CRTC3: variants seen among roughly 807,000 people sequenced by gnomAD.
CRTC3 encodes CREB regulated transcription coactivator 3, also known as CREB-regulated transcription coactivator 3.
In CRTC3, 26 loss-of-function variants were observed where a neutral mutation model predicts 74.5. The ratio of observed to expected loss-of-function variants is 0.35; its 90% CI spans 0.26 to 0.48. CRTC3 has a LOEUF of 0.48. Among genes scored for constraint, CRTC3 ranks in the 20% least tolerant of loss-of-function variants. The pLI is 0.99. For missense variants in CRTC3, 760 were observed against 787.3 expected (o/e 0.97, Z 0.41); for synonymous variants, 377 against 325.8 (o/e 1.16, Z -1.69).
intron 7 of CRTC3, 127 bp downstream of exon 7, chr15:90,614,615 G>T: frequency 3.2e-6 from 2 of 628,334 alleles, no homozygotes; most frequent in South Asian, 2.4e-5. Context: ...CTGCTGATTG[G>T]CTTACTTTTC....
chr15:90,553,031 A>G (rs776912398), intron 2 of CRTC3, among the ~76,000 whole-genome samples: 1 of 152,190 alleles, frequency 6.6e-6, no homozygotes, highest in Non-Finnish European at 1.5e-5. Flanking sequence ...GTAATGAGGC[A>G]GGGCAGTGAC....
At chr15:90,594,035 T>C (rs1345548727) in intron 3 of CRTC3, 1 of 250,414 alleles carries the variant, frequency 4.0e-6, no homozygotes, top group Non-Finnish European at 7.6e-6. Context: ...TTCTGAGCAT[T>C]TTCTCCAGAA....
chr15:90,589,304 G>A lies in CRTC3; in HGVS notation c.232-4332G>A, dbSNP rs143162259. On this transcript the variant is annotated intron_variant, in intron 2 of 14. Transcript: ENST00000268184. ...ACTCCTGACCTCATGATCCACCTGCGTAGGCCTCCCAAAGTGCTGGGATTA... is the reference window on the plus strand; with the variant it reads ...ACTCCTGACCTCATGATCCACCTGCATAGGCCTCCCAAAGTGCTGGGATTA... 3.0e-3 allele frequency among the ~76,000 whole-genome samples: 455 copies of A among 151,922 alleles called. 2 individuals carry two copies. The highest frequency in any genetic ancestry group is 0.011 in the African/African-American group (437 of 41,400).
In CRTC3 at chr15:90,593,638, G is replaced by A. The variant is rs370731406; in HGVS notation, c.234G>A (p.Pro78=). Residue 78 remains proline, a splice_region_variant and synonymous_variant, in exon 3 of 15, where the codon CCG becomes CCA. Coordinates refer to ENST00000268184, the MANE Select transcript of CRTC3 (RefSeq NM_022769.5). ...QLRSSASEFQ[P]SFHQADNVRG... is the part of the protein sequence containing the mutation. Reference sequence around the variant, plus strand: ...CTCTTCTTCCCTTCTCTCTGCAGCCGTCATTTCACCAAGCTGATAATGTTC... The same window carrying A: ...CTCTTCTTCCCTTCTCTCTGCAGCCATCATTTCACCAAGCTGATAATGTTC... 5.6e-6 allele frequency: 9 copies of A among 1,604,028 alleles called. No homozygotes were observed. The highest frequency in any genetic ancestry group is 2.2e-5 in the East Asian group (1 of 44,550).
intron 11 of CRTC3, chr15:90,638,105 C>A: frequency 3.6e-6 from 1 of 274,646 alleles, no homozygotes; most frequent in Non-Finnish European, 6.9e-6. Context: ...GAGCTAAGGG[C>A]CTTTTTCAAT....
At position 90,638,835 on chromosome 15, in the gene CRTC3, T is replaced by C; in HGVS notation, c.1548+20T>C. On this transcript the variant is annotated intron_variant, in intron 13 of 14. Transcript: ENST00000268184. ...CAACAGGTGGGTGATCGCCCCTGCC[T>C]TCTCCTCCCTTGGTGCATAAACTGT... 1.3e-6 allele frequency: 2 copies of C among 1,595,208 alleles called. No homozygotes were observed. The highest frequency in any genetic ancestry group is 1.3e-5 in the African/African-American group (1 of 74,642).
At chr15:90,543,161 G>A (rs1966830800) in intron 2 of CRTC3, among the ~76,000 whole-genome samples, 1 of 150,594 alleles carries the variant, frequency 6.6e-6, no homozygotes, top group Non-Finnish European at 1.5e-5. Flanking sequence ...GCCAGATGTG[G>A]TGGTGCACGC....
intron 2 of CRTC3, among the ~76,000 whole-genome samples, chr15:90,563,923 A>G (rs967889773): frequency 6.6e-6 from 1 of 151,992 alleles, no homozygotes; most frequent in Non-Finnish European, 1.5e-5. Flanking sequence ...TGCCATTTAT[A>G]TTAGTGTTTC....
chr15:90,617,824 C>A, intron 7 of CRTC3, 59 bp from the exon 8 acceptor site: 1 of 1,178,412 alleles, frequency 8.5e-7, no homozygotes, highest in Non-Finnish European at 1.3e-6. Context: ...AGCCACCGTG[C>A]CCGGCCTGGA....
At chr15:90,558,460 CT>C (rs1966941598) in intron 2 of CRTC3, among the ~76,000 whole-genome samples, 1 of 152,202 alleles carries the variant, frequency 6.6e-6, no homozygotes. Flanking sequence ...CATCTCTGCT[CT>C]TAGCTGCTTA....
intron 9 of CRTC3, among the ~76,000 whole-genome samples, chr15:90,622,804 T>A (rs1259316459): frequency 1.3e-5 from 2 of 149,330 alleles, no homozygotes. Context: ...TGAGCCAAGA[T>A]CGCACCACTG....
rs1205466199 is a variant in CRTC3 at position 90,641,203 on chromosome 15, A to G, written c.1651+4A>G. On this transcript the variant is annotated splice_donor_region_variant and intron_variant, in intron 14 of 14. Coordinates refer to ENST00000268184, the MANE Select transcript of CRTC3 (RefSeq NM_022769.5). The stretch of plus-strand genomic sequence containing the variant: ...CTCCCGAACACCATCCTGCCAGGTG[A>G]GCGAGCTATCCCTCAGCTTCTTTAC... 1 of 1,594,026 alleles carries G rather than the reference A, an allele frequency of 6.3e-7. No homozygotes were observed. The highest frequency in any genetic ancestry group is 1.7e-5 in the Admixed American group (1 of 59,950).
intron 11 of CRTC3, among the ~76,000 whole-genome samples, chr15:90,635,416 G>A (rs7166787): frequency 0.25 from 37,961 of 151,854 alleles, 5,501 homozygotes; most frequent in African/African-American, 0.41. Flanking sequence ...AGGCCGAGGC[G>A]GGTGGATCAC....
At chr15:90,609,585 G>A (rs1376918142) in intron 6 of CRTC3, among the ~76,000 whole-genome samples, 3 of 152,220 alleles carry the variant, frequency 2.0e-5, no homozygotes, top group Non-Finnish European at 4.4e-5. Flanking sequence ...CAAAGGCCTA[G>A]AGAAACAAGG....
At chr15:90,628,605 TC>T (rs1968924407) in intron 10 of CRTC3, among the ~76,000 whole-genome samples, 1 of 152,126 alleles carries the variant, frequency 6.6e-6, no homozygotes, top group Admixed American at 6.5e-5. Context: ...TTCACCCCTG[TC>T]CCCCAAATAA....
At chr15:90,556,382 A>G (rs56852223) in intron 2 of CRTC3, among the ~76,000 whole-genome samples, 20,261 of 152,192 alleles carry the variant, frequency 0.13, 1,881 homozygotes, top group African/African-American at 0.27. Context: ...TTTGGCAATG[A>G]TATTTACCTT....
In CRTC3 at chr15:90,638,803, C is replaced by A; in HGVS notation, c.1536C>A (p.Ala512=). 6.2e-7 allele frequency: 1 copy of A among 1,614,044 alleles called. No homozygotes were observed. Among genetic ancestry groups the A allele is most frequent in the Non-Finnish European group, 8.5e-7 (1 of 1,179,914 alleles). ...FDQQSMRPGP[A]FPQQVPLVQQ... is the part of the protein sequence containing the mutation. ...AGCAGTCCATGAGGCCAGGCCCTGC[C>A]TTTCCTCAACAGGTGGGTGATCGCC... The change falls in exon 13 of 15, where the codon GCC becomes GCA. Residue 512 remains alanine, a synonymous_variant. Transcript: ENST00000268184.
chr15:90,584,076 G>A (rs1967604069), intron 2 of CRTC3, among the ~76,000 whole-genome samples: 1 of 152,088 alleles, frequency 6.6e-6, no homozygotes, highest in Admixed American at 6.6e-5. Flanking sequence ...GTTCCCAAGA[G>A]AGGCACAGTT....
At chr15:90,624,234 C>G (rs1332001869) in intron 9 of CRTC3, among the ~76,000 whole-genome samples, 2 of 152,084 alleles carry the variant, frequency 1.3e-5, no homozygotes, top group African/African-American at 4.8e-5. Context: ...GCATTCTCCT[C>G]CGCGTCACCC....
Sources: allele counts gnomAD v4.1 joint callset (sites outside exome capture counted in the v4.1 genomes callset), GRCh38; gene constraint gnomAD v4.1.1; transcripts MANE v1.5; gene names NCBI Gene and HGNC (gene_info 2026-07-23, HGNC 2026-07-21).